Variants in GAS7 observed in about 807,000 individuals in gnomAD.
The protein encoded by GAS7 is growth arrest specific 7.
GAS7 carries 28 observed loss-of-function variants against 71.1 expected under a neutral mutation model. That is an observed-to-expected ratio of 0.39 (90% CI 0.29 to 0.54). The LOEUF (loss-of-function observed/expected upper bound fraction) is 0.54, where lower values mean the gene tolerates loss of function less well. Among genes scored for constraint, GAS7 ranks in the 20% least tolerant of loss-of-function variants. The pLI, the probability that GAS7 is intolerant of heterozygous loss-of-function variation, is 0.62. For synonymous variants in GAS7, 258 were observed against 245.8 expected (o/e 1.05, Z -0.46); for missense variants, 436 against 627.8 (o/e 0.69, Z 3.27).
At chr17:10,126,854 C>G (rs772131637) in intron 1 of GAS7, among the ~76,000 whole-genome samples, 6 of 152,196 alleles carry the variant, frequency 3.9e-5, no homozygotes, top group Admixed American at 6.5e-5. Flanking sequence ...GGCTTCAAAC[C>G]CCAGCTCTGC....
chr17:9,978,261 T>C (rs1413957014), intron 3 of GAS7, among the ~76,000 whole-genome samples: 1 of 151,078 alleles, frequency 6.6e-6, no homozygotes, highest in Non-Finnish European at 1.5e-5. Context: ...CAGGGCCTCG[T>C]TTTATCTCTC....
At chr17:10,062,951 G>A (rs1156739396) in intron 1 of GAS7, among the ~76,000 whole-genome samples, 2 of 152,240 alleles carry the variant, frequency 1.3e-5, no homozygotes, top group Non-Finnish European at 2.9e-5. Context: ...GCAGCCCAGG[G>A]GAAGGCAGGG....
rs1391587639 is a variant in GAS7, at chr17:10,198,604, G to C, written c.-214C>G. 3 of 346,924 alleles carry C rather than the reference G, an allele frequency of 8.6e-6. No individual in the cohort carries two copies. Among genetic ancestry groups the C allele is most frequent in the African/African-American group, 4.3e-5 (2 of 46,696 alleles). The allele number at this position is 346,924 out of a possible 1,614,324, so 21.5% of individuals were successfully genotyped here. A position where few individuals can be genotyped will look rare whatever the true frequency, so the allele number is the denominator to read the frequency against. ...TCGTTGGCTTCGCAGAGCGAGCGGC[G>C]ACGCCCCCGGGCCGGGCAGCTCGCG... On this transcript the variant is annotated 5_prime_UTR_variant, in exon 1 of 14. Transcript: ENST00000432992.
intron 4 of GAS7, among the ~76,000 whole-genome samples, chr17:9,961,904 T>A (rs1272698437): frequency 6.6e-6 from 1 of 152,194 alleles, no homozygotes; most frequent in African/African-American, 2.4e-5. Context: ...TATTTTGTTT[T>A]CCATGTGTCT....
chr17:10,179,903 T>C (rs965962490), intron 1 of GAS7, among the ~76,000 whole-genome samples: 2 of 152,140 alleles, frequency 1.3e-5, no homozygotes, highest in African/African-American at 4.8e-5. Context: ...GAGCAATGGA[T>C]GCAAAATACG....
intron 1 of GAS7, among the ~76,000 whole-genome samples, chr17:10,064,810 C>T (rs1316368093): frequency 6.6e-6 from 1 of 152,156 alleles, no homozygotes; most frequent in African/African-American, 2.4e-5. Flanking sequence ...TGGGACTGTT[C>T]CTTTTTTGTC....
intron 1 of GAS7, among the ~76,000 whole-genome samples, chr17:10,055,713 C>T (rs190292165): frequency 1.5e-3 from 229 of 152,330 alleles, no homozygotes; most frequent in African/African-American, 5.3e-3. Flanking sequence ...CATTTTACTT[C>T]ACAACTCAAT....
chr17:10,121,198 T>C (rs940890361), intron 1 of GAS7, among the ~76,000 whole-genome samples: 2 of 152,182 alleles, frequency 1.3e-5, no homozygotes, highest in East Asian at 1.9e-4. Context: ...CTGGCCAACA[T>C]GGTGAAACCC....
chr17:10,198,582 T>C lies in GAS7; in HGVS notation c.-192A>G, dbSNP rs2074558752. ...CTCCGCGCCGGGAAGCAGAGACTCG[T>C]TGGCTTCGCAGAGCGAGCGGCGACG... is the stretch of plus-strand genomic sequence containing the variant. On this transcript the variant is annotated 5_prime_UTR_variant, in exon 1 of 14. Coordinates refer to ENST00000432992, the MANE Select transcript of GAS7 (RefSeq NM_201433.2). 5.4e-6 allele frequency: 2 copies of C among 369,912 alleles called. No homozygotes were observed. Among genetic ancestry groups the C allele is most frequent in the Non-Finnish European group, 9.5e-6 (2 of 210,470 alleles). 22.9% of individuals were successfully genotyped at this position (369,912 alleles called of 1,614,324 possible).
Position 9,959,291 on chromosome 17 carries a change from T to A in GAS7, c.472-36A>T, listed in dbSNP as rs1472285619. ...AGGCAAGAAACATCGTCAAAGCTGT[T>A]CTCCATATTGGACATTTTTTCCCCC... On this transcript the variant is annotated intron_variant, in intron 4 of 13. Transcript: ENST00000432992. This position sits in a 1 kb window ranked among gnomAD's most constrained non-coding sequence, Gnocchi z 5.0. 1.6e-5 allele frequency: 26 copies of A among 1,614,030 alleles called. No individual in the cohort carries two copies. Among genetic ancestry groups the A allele is most frequent in the Non-Finnish European group, 2.2e-5 (26 of 1,179,954 alleles).
intron 1 of GAS7, among the ~76,000 whole-genome samples, chr17:10,175,675 T>C (rs771830878): frequency 2.0e-5 from 3 of 152,222 alleles, no homozygotes; most frequent in Non-Finnish European, 4.4e-5. Flanking sequence ...TTTTTATTTG[T>C]ACTTTGTAGA....
At chr17:10,024,354 G>A (rs1184982612) in intron 1 of GAS7, among the ~76,000 whole-genome samples, 2 of 152,122 alleles carry the variant, frequency 1.3e-5, no homozygotes, top group Non-Finnish European at 2.9e-5. Flanking sequence ...CTTCTAATTA[G>A]TTTCCTTCCA....
intron 1 of GAS7, among the ~76,000 whole-genome samples, chr17:10,021,995 C>T (rs1031473396): frequency 7.2e-5 from 11 of 152,132 alleles, no homozygotes; most frequent in African/African-American, 2.2e-4. Context: ...CAATGTCTCA[C>T]GCTTGTAATC....
At chr17:10,045,760 A>C (rs2072945230) in intron 1 of GAS7, among the ~76,000 whole-genome samples, 1 of 152,188 alleles carries the variant, frequency 6.6e-6, no homozygotes, top group Non-Finnish European at 1.5e-5. Flanking sequence ...AAGGCCTCCA[A>C]ACAGCCCTGA....
intron 9 of GAS7, among the ~76,000 whole-genome samples, chr17:9,930,281 T>C (rs750291089): frequency 1.1e-4 from 17 of 152,228 alleles, no homozygotes; most frequent in Non-Finnish European, 2.2e-4. Context: ...TCACATAAAA[T>C]GCATCATTGT....
chr17:10,103,763 T>G lies in GAS7; in HGVS notation c.184-83866A>C, dbSNP rs1156318801. 6.6e-6 allele frequency among the ~76,000 whole-genome samples: 1 copy of G among 150,960 alleles called. No individual in the cohort carries two copies. Among genetic ancestry groups the G allele is most frequent in the Admixed American group, 6.6e-5 (1 of 15,160 alleles). On this transcript the variant is annotated intron_variant, in intron 1 of 13. Transcript: ENST00000432992. The surrounding 1 kb of genome is among the most constrained non-coding windows in gnomAD (Gnocchi z 5.5). ...ACTGCTTGAACCTGGGAGGCAGAGG[T>G]TGCAGTGAGCCAAGATCTCACCATT...
At chr17:10,120,697 A>G (rs1463525726) in intron 1 of GAS7, among the ~76,000 whole-genome samples, 1 of 152,052 alleles carries the variant, frequency 6.6e-6, no homozygotes, top group Non-Finnish European at 1.5e-5. Flanking sequence ...GGGGGACAAG[A>G]GTGAGACTTT....
At chr17:10,069,944 C>T (rs546131307) in intron 1 of GAS7, among the ~76,000 whole-genome samples, 1 of 152,272 alleles carries the variant, frequency 6.6e-6, no homozygotes, top group South Asian at 2.1e-4. Context: ...TGCCCTCACC[C>T]GGCACCTCCC....
At chr17:10,197,816 G>T (rs1302279621) in intron 1 of GAS7, among the ~76,000 whole-genome samples, 1 of 152,164 alleles carries the variant, frequency 6.6e-6, no homozygotes, top group African/African-American at 2.4e-5. Context: ...GGACCGAGTC[G>T]GTGCCACTTT....
Sources: allele counts gnomAD v4.1 joint callset (sites outside exome capture counted in the v4.1 genomes callset), GRCh38; gene constraint gnomAD v4.1.1; non-coding constraint Gnocchi (gnomAD v3.1); transcripts MANE v1.5; gene names NCBI Gene and HGNC (gene_info 2026-07-23, HGNC 2026-07-21).